The following PER2 variants were observed in gnomAD, a reference collection of about 807,000 sequenced individuals.
PER2 encodes period circadian regulator 2, also known as period circadian protein homolog 2.
A neutral mutation model predicts 121.0 loss-of-function variants in PER2; 66 were observed. The ratio of observed to expected loss-of-function variants is 0.55; its 90% CI spans 0.45 to 0.67. The LOEUF (loss-of-function observed/expected upper bound fraction) is 0.67. Ranked by LOEUF, PER2 falls within the 30% of genes least tolerant of loss-of-function variation. The probability of loss-of-function intolerance (pLI) is 0.00; values close to 1 mark genes in which losing one functional copy is unlikely to be tolerated. For missense variants in PER2, 1,521 were observed against 1,635.0 expected (o/e 0.93, Z 1.20); for synonymous variants, 684 against 659.9 (o/e 1.04, Z -0.56).
At chr2:238,261,311 G>A (rs997069981) in intron 12 of PER2, 3 of 390,510 alleles carry the variant, frequency 7.7e-6, no homozygotes, top group African/African-American at 2.0e-5. Flanking sequence ...ACAGGCAGGC[G>A]CCTACTCAGG....
chr2:238,271,525 G>A lies in PER2; in HGVS notation c.571-12C>T. ...ACCGCAAACATATCCTGAAAAGGAAGAGTAGGGCTCTGATGACAAGGTCAG... is the reference window on the plus strand; with the variant it reads ...ACCGCAAACATATCCTGAAAAGGAAAAGTAGGGCTCTGATGACAAGGTCAG... On this transcript the variant is annotated splice_polypyrimidine_tract_variant and intron_variant, in intron 5 of 22. Transcript: ENST00000254657. The A allele has an allele frequency of 6.2e-7, 1 of 1,602,034 alleles. No homozygotes were observed. Among genetic ancestry groups the A allele is most frequent in the Non-Finnish European group, 8.5e-7 (1 of 1,170,986 alleles).
In PER2 at chr2:238,271,376, C is replaced by T; in HGVS notation, c.708G>A (p.Val236=). 2 of 1,614,194 alleles carry T rather than the reference C, an allele frequency of 1.2e-6. No individual in the cohort carries two copies. Among genetic ancestry groups the T allele is most frequent in the South Asian group, 2.2e-5 (2 of 91,076 alleles). ...GGGAGGTGAAACTGTGGAACACGCC[C>T]ACATCGTGAGGCGCCAGGAACTCCA... The part of the protein sequence containing the change: ...KFVEFLAPHD[V]GVFHSFTSPY... The change falls in exon 6 of 23, where the codon GTG becomes GTA. Residue 236 remains valine (V), a synonymous_variant. Transcript: ENST00000254657.
chr2:238,253,560 G>T lies in PER2; in HGVS notation c.2463C>A (p.Pro821=). 1 of 1,610,860 alleles carries T rather than the reference G, an allele frequency of 6.2e-7. No individual in the cohort carries two copies. The highest frequency in any genetic ancestry group is 8.5e-7 in the Non-Finnish European group (1 of 1,178,754). The change falls in exon 19 of 23, where the codon CCC becomes CCA. Residue 821 remains proline, a synonymous_variant. Coordinates refer to ENST00000254657, the MANE Select transcript of PER2 (RefSeq NM_022817.3). This position sits in a 1 kb window ranked among gnomAD's most constrained non-coding sequence, Gnocchi z 5.6. ...CTGTGGCGTTCAAGCCCACCAGCGG[G>T]GGCCGGGCGGACACGGGCCCCCCAG... ...TGSGGPVSAR[P]PLVGLNATAW... is the part of the protein sequence containing the mutation.
chr2:238,248,831 A>C, intron 22 of PER2: 7 of 474,928 alleles, frequency 1.5e-5, no homozygotes, highest in Admixed American at 2.9e-5. Flanking sequence ...AATTTTTTGT[A>C]TTTTTAGTAG....
Position 238,277,873 on chromosome 2 carries a change from G to A in PER2, c.64C>T (p.Gln22Ter). The change falls in exon 2 of 23, where the codon CAG (glutamine) becomes TAG (stop). Residue 22 changes from glutamine to a stop codon, truncating the protein, a stop_gained. Transcript: ENST00000254657. LOFTEE classifies it high-confidence loss of function. ...SNPTKEPVEP[Q>*]PSQVPLQEDV... ...TCCTGCAGTGGGACCTGGCTGGGCT[G>A]GGGCTCCACGGGCTCCTTGGTGGGG... 2 of 1,614,162 alleles carry A rather than the reference G, an allele frequency of 1.2e-6. No individual in the cohort carries two copies. Among genetic ancestry groups the A allele is most frequent in the Non-Finnish European group, 1.7e-6 (2 of 1,180,038 alleles).
chr2:238,248,732 T>G (rs1184787140), intron 22 of PER2, among the ~76,000 whole-genome samples: 1 of 151,132 alleles, frequency 6.6e-6, no homozygotes, highest in Non-Finnish European at 1.5e-5. Context: ...CTTGGCTCCC[T>G]GCAAGCTCTG....
rs972146734 is a variant in PER2 at position 238,245,706 on chromosome 2, C to T, written c.*669G>A. ...ATCCGATGGAGTTGGCCACACAAAC[C>T]ACTAGGCTTCTTTAGTCCAGAGCAA... On this transcript the variant is annotated 3_prime_UTR_variant, in exon 23 of 23. Transcript: ENST00000254657. The T allele has an allele frequency of 5.0e-6, 2 of 398,594 alleles. No individual in the cohort carries two copies. The highest frequency in any genetic ancestry group is 4.4e-6 in the Non-Finnish European group (1 of 226,066). 24.7% of individuals were successfully genotyped at this position (398,594 alleles called of 1,614,324 possible).
At chr2:238,276,010 G>C in intron 3 of PER2, 113 bp from the exon 4 acceptor site, 1 of 857,414 alleles carries the variant, frequency 1.2e-6, no homozygotes, top group Non-Finnish European at 2.0e-6. Flanking sequence ...GTTCTGGTCT[G>C]GGTGGCCCTT....
Position 238,260,957 on chromosome 2 carries a change from G to T in PER2, c.1417-4C>A. 6.2e-7 allele frequency: 1 copy of T among 1,612,324 alleles called. No homozygotes were observed. On this transcript the variant is annotated splice_region_variant and splice_polypyrimidine_tract_variant and intron_variant, in intron 12 of 22. Coordinates refer to ENST00000254657, the MANE Select transcript of PER2 (RefSeq NM_022817.3). ...TGGAGCCGCTGTGGGGGACGGGCTG[G>T]GGAGACAGCAGACAGCGCTACAGAC...
At chr2:238,294,619 C>G (rs1697013164), upstream of PER2, among the ~76,000 whole-genome samples, 1 of 152,186 alleles carries the variant, frequency 6.6e-6, no homozygotes. Context: ...ATTCCATTGT[C>G]CCTTTGCAAA....
At position 238,262,271 on chromosome 2, in the gene PER2, C is replaced by T. The variant is rs1212661018; in HGVS notation, c.1227G>A (p.Thr409=). ...TGAAGCTGGACCAGCTGGTGTCCAACGTGATGTACTCTCCGTTCCGGGCGC... is the reference window on the plus strand; with the variant it reads ...TGAAGCTGGACCAGCTGGTGTCCAATGTGATGTACTCTCCGTTCCGGGCGC... ...RFRARNGEYI[T]LDTSWSSFIN... The change falls in exon 11 of 23, where the codon ACG becomes ACA. Residue 409 remains threonine, a synonymous_variant. Transcript: ENST00000254657. The T allele has an allele frequency of 5.0e-6, 8 of 1,613,978 alleles. No individual in the cohort carries two copies. Among genetic ancestry groups the T allele is most frequent in the Admixed American group, 3.3e-5 (2 of 60,018 alleles).
At chr2:238,250,464 C>T (rs1276288728) in intron 21 of PER2, 87 bp downstream of exon 21, 13 of 921,482 alleles carry the variant, frequency 1.4e-5, no homozygotes, top group Non-Finnish European at 2.2e-5. Flanking sequence ...GCGTCCCGCC[C>T]CATCTGAATG....
In PER2 at chr2:238,253,161, C is replaced by T. The variant is rs554313511; in HGVS notation, c.2862G>A (p.Ser954=). The T allele has an allele frequency of 6.3e-6, 10 of 1,594,586 alleles. No individual in the cohort carries two copies. In the East Asian group the frequency reaches 1.1e-4, roughly 18 times the overall value. ...ASQPEFPSRT[S]IPRQPCACPA... is the part of the protein sequence containing the mutation. ...GACAAGCACATGGCTGTCTGGGGAT[C>T]GAGGTCCGGCTGGGGAACTCAGGCT... Residue 954 remains serine, a synonymous_variant, in exon 19 of 23, where the codon TCG becomes TCA. Transcript: ENST00000254657. The surrounding 1 kb of genome is among the most constrained non-coding windows in gnomAD (Gnocchi z 5.6).
At chr2:238,284,730 C>A (rs943651783) in intron 1 of PER2, among the ~76,000 whole-genome samples, 1 of 152,200 alleles carries the variant, frequency 6.6e-6, no homozygotes. Flanking sequence ...TTCACTGGTG[C>A]CCCGACATTA....
In PER2 at chr2:238,250,624, G is replaced by T; in HGVS notation, c.3394C>A (p.Leu1132Met). Residue 1132 changes from leucine to methionine, a missense_variant, in exon 21 of 23, where the codon CTG becomes ATG. By Grantham distance (15) the Leu-to-Met change is conservative. Transcript: ENST00000254657. ...EESEHFIKCV[L>M]QDPIWLLMAD... ...ATCAGCAGCCAGATGGGATCCTGCA[G>T]GACGCACTTAATGAAATGCTCACTT... 1 of 1,613,924 alleles carries T rather than the reference G, an allele frequency of 6.2e-7. No homozygotes were observed. The highest frequency in any genetic ancestry group is 8.5e-7 in the Non-Finnish European group (1 of 1,179,758).
Position 238,249,241 on chromosome 2 carries a change from CTTTCA to C in PER2, c.3468-34_3468-30del, listed in dbSNP as rs756761786. The C allele has an allele frequency of 1.0e-5, 16 of 1,602,256 alleles. No individual in the cohort carries two copies. In the African/African-American group the frequency reaches 1.3e-4, roughly 13 times the overall value. On this transcript the variant is annotated intron_variant, in intron 21 of 22. Transcript: ENST00000254657. ...CGCAAGATATTTAGAAATCGGTAAG[CTTTCA>C]AATGTCTTAAGGGTATCTATTTTTA...
chr2:238,251,728 C>T lies in PER2; in HGVS notation c.3145G>A (p.Ala1049Thr), dbSNP rs1264762437. Reference sequence around the variant, plus strand: ...AGGAGGCCGCTTGACGTGGAAAGGGCGTCACTGTTCTGTGTGTCTGAGGGT... The same window carrying T: ...AGGAGGCCGCTTGACGTGGAAAGGGTGTCACTGTTCTGTGTGTCTGAGGGT... ...DEPSDTQNSDALSTSSGLLNL... is the reference protein window; with the variant it reads ...DEPSDTQNSDTLSTSSGLLNL... Residue 1049 changes from alanine to threonine, a missense_variant, in exon 20 of 23, where the codon GCC becomes ACC. Physicochemically the swap from Ala to Thr is moderately conservative, Grantham distance 58. Coordinates refer to ENST00000254657, the MANE Select transcript of PER2 (RefSeq NM_022817.3). 1.2e-6 allele frequency: 2 copies of T among 1,612,386 alleles called. No homozygotes were observed. Among genetic ancestry groups the T allele is most frequent in the Admixed American group, 1.7e-5 (1 of 59,848 alleles).
At chr2:238,257,765 C>T (rs149511397) in intron 16 of PER2, among the ~76,000 whole-genome samples, 2,531 of 152,364 alleles carry the variant, frequency 0.017, 43 homozygotes, top group South Asian at 0.068. Context: ...TGAGCCACCG[C>T]GCCCAGCCGG....
In PER2 at chr2:238,257,056, C is replaced by T. The variant is rs146261525; in HGVS notation, c.1931G>A (p.Arg644His). The T allele has an allele frequency of 4.0e-5, 65 of 1,613,024 alleles. No individual in the cohort carries two copies. The highest frequency in any genetic ancestry group is 4.0e-4 in the African/African-American group (30 of 75,052). Residue 644 changes from arginine (R) to histidine (H), a missense_variant, in exon 17 of 23, where the codon CGC becomes CAC. Transcript: ENST00000254657. The stretch of plus-strand genomic sequence containing the variant: ...GGTCAGGTGCGTACCTACTCCCGTG[C>T]GGCTGTTCACCCTGGAGGGCGGCTC... ...EAEPPSRVNS[R>H]TGVGTHLTSL...
Sources: allele counts gnomAD v4.1 joint callset (sites outside exome capture counted in the v4.1 genomes callset), GRCh38; gene constraint gnomAD v4.1.1; non-coding constraint Gnocchi (gnomAD v3.1); transcripts MANE v1.5; gene names NCBI Gene and HGNC (gene_info 2026-07-23, HGNC 2026-07-21).